Variants in LIPJ observed in about 807,000 individuals in gnomAD.
LIPJ encodes the protein lipase family member J, also known as lipase member J.
LIPJ carries 33 observed loss-of-function variants against 39.8 expected under a neutral mutation model. The ratio of observed to expected loss-of-function variants is 0.83; its 90% CI spans 0.63 to 1.11. LIPJ has a LOEUF of 1.11. Among genes scored for constraint, LIPJ ranks in the 50% least tolerant of loss-of-function variants. The pLI is 0.00. For synonymous variants in LIPJ, 128 were observed against 139.2 expected (o/e 0.92, Z 0.57); for missense variants, 422 against 427.9 (o/e 0.99, Z 0.12).
At chr10:88,620,367 G>C in the LIPJ span, among the ~76,000 whole-genome samples, 1 of 152,108 alleles carries the variant, frequency 6.6e-6, no homozygotes, top group African/African-American at 2.4e-5. Flanking sequence ...TCTTGTTCTG[G>C]ATAATTATAT....
chr10:88,601,492 A>G (rs1360403217), intron 8 of LIPJ, among the ~76,000 whole-genome samples: 2 of 152,316 alleles, frequency 1.3e-5, no homozygotes, highest in Non-Finnish European at 2.9e-5. Context: ...GTCCAACTCT[A>G]TAGCACCCAC....
downstream of LIPJ, among the ~76,000 whole-genome samples, chr10:88,611,521 T>C (rs566680016): frequency 1.3e-4 from 20 of 152,188 alleles, no homozygotes; most frequent in African/African-American, 4.6e-4. Context: ...AAACATGATG[T>C]AGAATAAGAA....
At chr10:88,596,491 C>A (rs890189977) in intron 7 of LIPJ, 75 bp downstream of exon 7, 8 of 1,384,878 alleles carry the variant, frequency 5.8e-6, no homozygotes, top group Non-Finnish European at 7.6e-6. Context: ...GAGATCTTGA[C>A]TATACGTAGA....
chr10:88,597,276 A>G (rs1057394302), intron 8 of LIPJ, among the ~76,000 whole-genome samples: 6 of 151,812 alleles, frequency 4.0e-5, no homozygotes, highest in Non-Finnish European at 7.4e-5. Context: ...CTGTAACTCC[A>G]TAACTGCTCC....
intron 9 of LIPJ, among the ~76,000 whole-genome samples, chr10:88,603,118 G>T (rs1407405502): frequency 6.6e-6 from 1 of 151,920 alleles, no homozygotes; most frequent in East Asian, 1.9e-4. Flanking sequence ...TAAAATGTTA[G>T]TATCATAATT....
chr10:88,602,732 C>T (rs1851536914), intron 9 of LIPJ, 85 bp downstream of exon 9: 1 of 680,084 alleles, frequency 1.5e-6, no homozygotes, highest in Non-Finnish European at 2.4e-6. Context: ...ATACCATGGC[C>T]ATAGAGTAAT....
exon 6 of LIPJ, chr10:88,594,699 C>A (rs1245426540): frequency 6.4e-7 from 1 of 1,558,132 alleles, no homozygotes; most frequent in South Asian, 1.3e-5. Flanking sequence ...GACCTTCCAG[C>A]CTCTATTGAT....
chr10:88,617,313 C>G, the LIPJ span, among the ~76,000 whole-genome samples: 1 of 152,062 alleles, frequency 6.6e-6, no homozygotes, highest in Non-Finnish European at 1.5e-5. Context: ...TTTGAGAAAT[C>G]AATAAATATG....
intron 8 of LIPJ, among the ~76,000 whole-genome samples, chr10:88,598,497 T>C (rs959067615): frequency 1.3e-5 from 2 of 151,980 alleles, no homozygotes; most frequent in Admixed American, 6.6e-5. Flanking sequence ...AAAAAGAAAT[T>C]CTAACTCTTA....
chr10:88,598,522 G>C (rs10887839), intron 8 of LIPJ, among the ~76,000 whole-genome samples: 47,509 of 151,876 alleles, frequency 0.31, 7,787 homozygotes, highest in East Asian at 0.55. Flanking sequence ...GGGAAATGAG[G>C]CTGAGATATC....
the LIPJ span, among the ~76,000 whole-genome samples, chr10:88,613,846 GTATATA>G: frequency 7.9e-6 from 1 of 125,892 alleles, no homozygotes; most frequent in African/African-American, 2.9e-5. Context: ...ATATATATAT[GTATATA>G]TGTGTATATA....
upstream of LIPJ, among the ~76,000 whole-genome samples, chr10:88,584,861 G>C (rs891065033): frequency 2.0e-5 from 3 of 152,012 alleles, no homozygotes; most frequent in Non-Finnish European, 4.4e-5. Flanking sequence ...TTTTTTTCAG[G>C]GATACAGCAA....
At chr10:88,598,397 A>G (rs899059479) in intron 8 of LIPJ, among the ~76,000 whole-genome samples, 2 of 151,986 alleles carry the variant, frequency 1.3e-5, no homozygotes, top group Non-Finnish European at 2.9e-5. Flanking sequence ...AGATGATAAA[A>G]ATGCTCACAA....
chr10:88,616,573 CA>C, the LIPJ span, among the ~76,000 whole-genome samples: 1 of 152,208 alleles, frequency 6.6e-6, no homozygotes, highest in Admixed American at 6.5e-5. Context: ...CTCAGGCAGG[CA>C]CTGAGGACAA....
In LIPJ at chr10:88,594,786, G is replaced by A; in HGVS notation, c.439+10G>A. The stretch of plus-strand genomic sequence containing the variant: ...CAGGGTACTACTATTGGTATGCCAA[G>A]AAAGATTATTGCTAATATCCCTTAA... On this transcript the variant is annotated intron_variant, in intron 6 of 10. Transcript: ENST00000371939. 8.1e-7 allele frequency: 1 copy of A among 1,235,618 alleles called. No homozygotes were observed. The highest frequency in any genetic ancestry group is 1.1e-6 in the Non-Finnish European group (1 of 886,942). 76.5% of individuals were successfully genotyped at this position (1,235,618 alleles called of 1,614,324 possible).
chr10:88,584,456 A>G (rs1253860333), upstream of LIPJ: 2 of 152,270 alleles, frequency 1.3e-5, no homozygotes, highest in Non-Finnish European at 2.9e-5. Flanking sequence ...TTAAAGACAC[A>G]AATGACAAAA....
downstream of LIPJ, among the ~76,000 whole-genome samples, chr10:88,611,879 T>C (rs1207964397): frequency 6.6e-6 from 1 of 152,238 alleles, no homozygotes; most frequent in Non-Finnish European, 1.5e-5. Flanking sequence ...TCAGCCTTGC[T>C]AGAGATCTAG....
intron 4 of LIPJ, 28 bp from the exon 5 acceptor site, chr10:88,593,918 T>A (rs1205272016): frequency 2.5e-6 from 4 of 1,570,548 alleles, no homozygotes; most frequent in South Asian, 1.2e-5. Context: ...ACAAAATTTA[T>A]AAAGAACTTT....
chr10:88,602,756 T>C (rs961210746), intron 9 of LIPJ, 109 bp downstream of exon 9: 1 of 538,260 alleles, frequency 1.9e-6, no homozygotes, highest in East Asian at 3.6e-5. Flanking sequence ...TTTATAAGGA[T>C]AAAATGAAAT....
Sources: gnomAD v4.1 joint callset for allele counts (sites outside exome capture counted in the v4.1 genomes callset) on GRCh38, gnomAD v4.1.1 for gene constraint, MANE v1.5 for transcripts, NCBI Gene and HGNC (gene_info 2026-07-23, HGNC 2026-07-21) for gene names.